Variants in LIN54 observed in about 807,000 individuals in gnomAD.
LIN54 encodes the protein lin-54 DREAM MuvB core complex component.
In LIN54, 9 loss-of-function variants were observed where a neutral mutation model predicts 78.7. The observed-to-expected ratio is 0.11, with a 90% CI of 0.07 to 0.20. The LOEUF (loss-of-function observed/expected upper bound fraction) is 0.20. LIN54 is among the 10% of genes least tolerant of loss of function. The probability of loss-of-function intolerance (pLI) is 1.00; values close to 1 mark genes in which losing one functional copy is unlikely to be tolerated. For synonymous variants in LIN54, 269 were observed against 318.4 expected, an observed-to-expected ratio of 0.84 and a Z score of 1.65; for missense variants, 573 against 889.9, an observed-to-expected ratio of 0.64 and a Z score of 4.53.
In LIN54 at chr4:82,974,188, T is replaced by C. The variant is rs559751954; in HGVS notation, c.809-3719A>G. Among the ~76,000 whole-genome samples, 44 of 149,520 alleles carry C rather than the reference T, an allele frequency of 2.9e-4. No individual in the cohort carries two copies. In the South Asian group the frequency reaches 4.0e-3, roughly 14 times the overall value. ...TCGCACCACTGCACTCCAGCCTGGG[T>C]GACAGAGCAAAACTCCCTCTCAAAA... is the stretch of plus-strand genomic sequence containing the variant. On this transcript the variant is annotated intron_variant, in intron 3 of 12. Coordinates refer to ENST00000340417, the MANE Select transcript of LIN54 (RefSeq NM_194282.4).
At chr4:82,947,235 A>ATAATTTTTT in intron 4 of LIN54, among the ~76,000 whole-genome samples, 1 of 44,292 alleles carries the variant, frequency 2.3e-5, no homozygotes, top group Admixed American at 4.1e-4. Context: ...ATATATATAT[A>ATAATTTTTT]TTTTTTTTTT....
intron 1 of LIN54, among the ~76,000 whole-genome samples, chr4:82,999,214 G>T (rs4693540): frequency 0.43 from 64,607 of 152,000 alleles, 16,832 homozygotes; most frequent in Admixed American, 0.58. Flanking sequence ...AGACCCATAT[G>T]AAGTGCCACT....
chr4:82,958,660 A>G (rs1025489645), intron 4 of LIN54, among the ~76,000 whole-genome samples: 34 of 152,158 alleles, frequency 2.2e-4, no homozygotes, highest in Admixed American at 7.2e-4. Context: ...ATTATTTACT[A>G]GGTTTTAATT....
intron 3 of LIN54, among the ~76,000 whole-genome samples, chr4:82,977,720 T>C (rs1726277613): frequency 6.6e-6 from 1 of 152,190 alleles, no homozygotes; most frequent in Non-Finnish European, 1.5e-5. Context: ...GAATACACAG[T>C]CTAGGGATGG....
Position 82,970,336 on chromosome 4 carries a change from C to T in LIN54, c.942G>A (p.Ser314=), listed in dbSNP as rs767881026. 9.4e-6 allele frequency: 15 copies of T among 1,602,318 alleles called. No individual in the cohort carries two copies. The highest frequency in any genetic ancestry group is 5.3e-5 in the Admixed American group (3 of 56,992). The change falls in exon 4 of 13, where the codon TCG becomes TCA. Residue 314 remains serine, a synonymous_variant. Transcript: ENST00000340417. ...TAATTTATTTTTTTACCTTATTTGG[C>T]GATTTCAAAGGTGAGATGGCTATTT... ...PNKIAISPLK[S]PNKAVKSTVQ...
intron 6 of LIN54, 68 bp from the exon 7 acceptor site, chr4:82,939,804 C>T: frequency 6.3e-7 from 1 of 1,587,296 alleles, no homozygotes. Flanking sequence ...CAGTATAAAT[C>T]TCTTGCACCT....
chr4:83,012,622 G>T (rs1196710462), upstream of LIN54, among the ~76,000 whole-genome samples: 1 of 152,056 alleles, frequency 6.6e-6, no homozygotes, highest in Non-Finnish European at 1.5e-5. Context: ...CAGGGAAGGG[G>T]CGCGGCGGAC....
chr4:83,009,177 T>C (rs1050577631), intron 1 of LIN54, among the ~76,000 whole-genome samples: 2 of 152,202 alleles, frequency 1.3e-5, no homozygotes, highest in Non-Finnish European at 2.9e-5. Context: ...ACCTACAAAC[T>C]ATACACACCT....
intron 11 of LIN54, among the ~76,000 whole-genome samples, chr4:82,933,379 CAAAA>C (rs111591156): frequency 7.3e-6 from 1 of 136,224 alleles, no homozygotes; most frequent in Non-Finnish European, 1.6e-5. Flanking sequence ...TCCCCTATAC[CAAAA>C]AAAAAAAAGA....
chr4:82,997,654 C>G (rs1441937866), intron 1 of LIN54, among the ~76,000 whole-genome samples: 1 of 151,710 alleles, frequency 6.6e-6, no homozygotes, highest in Non-Finnish European at 1.5e-5. Flanking sequence ...GTAATTAGTT[C>G]AAGATACAGA....
At chr4:82,980,892 CT>C in intron 2 of LIN54, among the ~76,000 whole-genome samples, 1 of 152,162 alleles carries the variant, frequency 6.6e-6, no homozygotes, top group Non-Finnish European at 1.5e-5. Context: ...TATATGAATA[CT>C]TATCAGTAAG....
chr4:82,966,274 C>T (rs1288238660), intron 4 of LIN54, among the ~76,000 whole-genome samples: 6 of 152,048 alleles, frequency 3.9e-5, no homozygotes, highest in South Asian at 2.1e-4. Context: ...TCTCTCTGCC[C>T]AAGCCTATAG....
intron 4 of LIN54, among the ~76,000 whole-genome samples, chr4:82,948,789 TTTTC>T (rs1005671706): frequency 1.3e-5 from 2 of 152,364 alleles, no homozygotes; most frequent in Non-Finnish European, 2.9e-5. Context: ...CACACAATAT[TTTTC>T]TTTCTGTTTC....
At position 82,939,591 on chromosome 4, in the gene LIN54, G is replaced by A. The variant is rs1166739721; in HGVS notation, c.1388C>T (p.Pro463Leu). The change falls in exon 7 of 13, where the codon CCG (proline) becomes CTG (leucine). Residue 463 changes from proline (P) to leucine (L), a missense_variant. This residue lies in a region of LIN54 where 101 missense variants were observed against 194.2 expected (regional missense o/e 0.52). Coordinates refer to ENST00000340417, the MANE Select transcript of LIN54 (RefSeq NM_194282.4). ...TGCATAACCCACATTCCCTGTTCCCGGAGCTGGTGCCAGGACAGTGCCTGG... is the reference window on the plus strand; with the variant it reads ...TGCATAACCCACATTCCCTGTTCCCAGAGCTGGTGCCAGGACAGTGCCTGG... The part of the protein sequence containing the change: ...LPPGTVLAPA[P>L]GTGNVGYAVL... 7 of 1,614,136 alleles carry A rather than the reference G, an allele frequency of 4.3e-6. No individual in the cohort carries two copies. The highest frequency in any genetic ancestry group is 2.2e-5 in the East Asian group (1 of 44,882).
intron 11 of LIN54, among the ~76,000 whole-genome samples, chr4:82,931,418 T>TA (rs931467681): frequency 3.9e-5 from 6 of 152,170 alleles, no homozygotes; most frequent in African/African-American, 1.4e-4. Context: ...AGATATGAGT[T>TA]ACACATGTTT....
At chr4:82,930,852 C>T (rs1354587314) in intron 12 of LIN54, 91 bp downstream of exon 12, 4 of 1,230,496 alleles carry the variant, frequency 3.3e-6, no homozygotes, top group Non-Finnish European at 4.7e-6. Context: ...TTTGCAACAA[C>T]CAAAAATATA....
chr4:82,948,731 A>C (rs1330579221), intron 4 of LIN54, among the ~76,000 whole-genome samples: 1 of 93,298 alleles, frequency 1.1e-5, no homozygotes, highest in Non-Finnish European at 2.2e-5. Context: ...TTTATCTTCT[A>C]TCTCTGTATA....
rs1385014081 is a variant in LIN54 at position 82,970,320 on chromosome 4, T to C, written c.951+7A>G. 3.1e-6 allele frequency: 5 copies of C among 1,604,674 alleles called. No homozygotes were observed. The highest frequency in any genetic ancestry group is 4.2e-6 in the Non-Finnish European group (5 of 1,176,710). ...ATTTGGTATTTGTGGCTAATTTATT[T>C]TTTTACCTTATTTGGCGATTTCAAA... On this transcript the variant is annotated splice_region_variant and intron_variant, in intron 4 of 12. Transcript: ENST00000340417.
intron 1 of LIN54, among the ~76,000 whole-genome samples, chr4:83,007,475 A>C (rs112105441): frequency 6.6e-6 from 1 of 152,122 alleles, no homozygotes; most frequent in African/African-American, 2.4e-5. Flanking sequence ...TCTGAGCTTC[A>C]TTTACTTATA....
Sources: gnomAD v4.1 joint callset for allele counts (sites outside exome capture counted in the v4.1 genomes callset) on GRCh38, gnomAD v4.1.1 for gene constraint, gnomAD v4.1.1 regional missense constraint, MANE v1.5 for transcripts, NCBI Gene and HGNC (gene_info 2026-07-23, HGNC 2026-07-21) for gene names.